The following LIMA1 variants were observed in gnomAD, a reference collection of about 807,000 sequenced individuals.
The protein encoded by LIMA1 is LIM domain and actin binding 1.
Under a neutral mutation model 62.6 loss-of-function variants are expected in LIMA1, and 52 were observed. The ratio of observed to expected loss-of-function variants is 0.83; its 90% CI spans 0.67 to 1.05. LIMA1 has a LOEUF of 1.05. Among genes scored for constraint, LIMA1 ranks in the 50% least tolerant of loss-of-function variants. LIMA1 has a pLI of 0.00. For missense variants in LIMA1, 780 were observed against 902.2 expected, an observed-to-expected ratio of 0.86 and a Z score of 1.74; for synonymous variants, 302 against 317.8, an observed-to-expected ratio of 0.95 and a Z score of 0.53.
intron 7 of LIMA1, among the ~76,000 whole-genome samples, chr12:50,198,935 T>A (rs573491546): frequency 4.3e-4 from 65 of 152,278 alleles, no homozygotes; most frequent in Admixed American, 7.9e-4. Flanking sequence ...CACCACTACA[T>A]CCAAACCCTT....
chr12:50,203,306 G>T, intron 6 of LIMA1, among the ~76,000 whole-genome samples: 1 of 151,484 alleles, frequency 6.6e-6, no homozygotes, highest in Middle Eastern at 3.5e-3. Flanking sequence ...GAGCTCCTGC[G>T]CCTGGCTATA....
At chr12:50,254,629 C>A (rs1360930030) in intron 1 of LIMA1, among the ~76,000 whole-genome samples, 1 of 152,188 alleles carries the variant, frequency 6.6e-6, no homozygotes, top group African/African-American at 2.4e-5. Context: ...GAGTGACTCA[C>A]TGGGAAATCT....
At chr12:50,222,619 T>TA in intron 3 of LIMA1, 134 bp from the exon 4 acceptor site, 2 of 1,539,500 alleles carry the variant, frequency 1.3e-6, no homozygotes, top group South Asian at 1.2e-5. Context: ...TGTGAACAGT[T>TA]ACAGCCTTGC....
At chr12:50,210,428 A>AAAAAAAAG (rs1555206224) in intron 4 of LIMA1, among the ~76,000 whole-genome samples, 2,589 of 150,500 alleles carry the variant, frequency 0.017, 98 homozygotes, top group African/African-American at 0.061. Context: ...CAAAAAAAAA[A>AAAAAAAAG]AAAAAAAGAA....
intron 10 of LIMA1, among the ~76,000 whole-genome samples, chr12:50,179,467 TCG>T (rs1053329515): frequency 4.3e-5 from 6 of 139,562 alleles, no homozygotes; most frequent in African/African-American, 1.4e-4. Flanking sequence ...AGACAGAGTC[TCG>T]CTCTGTCACC....
intron 9 of LIMA1, among the ~76,000 whole-genome samples, chr12:50,184,672 AAAAGCAG>A (rs1940586219): frequency 6.6e-6 from 1 of 152,188 alleles, no homozygotes; most frequent in Admixed American, 6.6e-5. Context: ...AGAGATATTA[AAAAGCAG>A]AATAAATTTT....
At position 50,181,950 on chromosome 12, in the gene LIMA1, A is replaced by T; in HGVS notation, c.1228T>A (p.Phe410Ile). 1.2e-6 allele frequency: 2 copies of T among 1,613,926 alleles called. No individual in the cohort carries two copies. The highest frequency in any genetic ancestry group is 1.7e-6 in the Non-Finnish European group (2 of 1,180,022). ...MERLLANQQVFHISCFRCSYC... is the reference protein window; with the variant it reads ...MERLLANQQVIHISCFRCSYC... ...GAGCAACGGAAGCAGCTGATGTGAA[A>T]CACCTGCTGGTTGGCCAAGAGACGC... The change falls in exon 10 of 11, where the codon TTT (phenylalanine) becomes ATT (isoleucine). Residue 410 changes from phenylalanine (F) to isoleucine (I), a missense_variant. By Grantham distance (21) the Phe-to-Ile change is conservative (BLOSUM62 0). Transcript: ENST00000341247.
intron 10 of LIMA1, among the ~76,000 whole-genome samples, chr12:50,178,966 A>ATATAT (rs56674261): frequency 2.7e-3 from 352 of 128,952 alleles, no homozygotes; most frequent in African/African-American, 8.1e-3. Context: ...ATATATATAT[A>ATATAT]TTTTTTTTTT....
At chr12:50,277,255 C>A (rs1247860142) in intron 1 of LIMA1, among the ~76,000 whole-genome samples, 1 of 151,036 alleles carries the variant, frequency 6.6e-6, no homozygotes, top group Admixed American at 6.6e-5. Context: ...ACAGCAAGAA[C>A]CCCATTCAAT....
chr12:50,199,163 C>G (rs1311753267), intron 7 of LIMA1, among the ~76,000 whole-genome samples: 1 of 152,164 alleles, frequency 6.6e-6, no homozygotes, highest in Non-Finnish European at 1.5e-5. Context: ...AACCCCATCT[C>G]TACTAAAAAT....
chr12:50,265,423 G>A (rs914390736), intron 1 of LIMA1, among the ~76,000 whole-genome samples: 1 of 151,948 alleles, frequency 6.6e-6, no homozygotes, highest in South Asian at 2.1e-4. Flanking sequence ...GGGAGGCTGA[G>A]GCAGGAGAAT....
intron 9 of LIMA1, chr12:50,190,067 G>C (rs887975002): frequency 3.8e-5 from 5 of 133,306 alleles, no homozygotes; most frequent in African/African-American, 1.4e-4. Flanking sequence ...ACACAGGCTG[G>C]AGAGCAGTGG....
At chr12:50,201,036 A>G in intron 6 of LIMA1, 152 bp from the exon 7 acceptor site, 1 of 1,427,484 alleles carries the variant, frequency 7.0e-7, no homozygotes, top group Non-Finnish European at 9.1e-7. Flanking sequence ...AGCAAAACCC[A>G]CTGACTAGTG....
intron 3 of LIMA1, among the ~76,000 whole-genome samples, chr12:50,228,149 C>T (rs1013545669): frequency 1.3e-5 from 2 of 152,148 alleles, no homozygotes; most frequent in Non-Finnish European, 2.9e-5. Flanking sequence ...TGAGCCACCG[C>T]GCCGGGCCTG....
chr12:50,243,343 A>C (rs1362201352), intron 2 of LIMA1, among the ~76,000 whole-genome samples: 2 of 152,210 alleles, frequency 1.3e-5, no homozygotes, highest in Admixed American at 6.5e-5. Context: ...GTTTTTAGCT[A>C]GGCTTGTATA....
At chr12:50,204,112 A>T (rs1003302537) in intron 6 of LIMA1, among the ~76,000 whole-genome samples, 2 of 152,086 alleles carry the variant, frequency 1.3e-5, no homozygotes, top group African/African-American at 2.4e-5. Context: ...CACAAAAAAA[A>T]CCCTCGTTAA....
chr12:50,250,792 A>C (rs1941920284), intron 1 of LIMA1, among the ~76,000 whole-genome samples: 1 of 152,224 alleles, frequency 6.6e-6, no homozygotes, highest in African/African-American at 2.4e-5. Context: ...TCTAAGTGGG[A>C]ATGTTGGCCT....
In LIMA1 at chr12:50,212,254, ACT is replaced by A. The variant is rs1422277667; in HGVS notation, c.631-6188_631-6187del. Among the ~76,000 whole-genome samples, 96 of 152,334 alleles carry A rather than the reference ACT, an allele frequency of 6.3e-4. 1 individual carries two copies. The highest frequency in any genetic ancestry group is 2.3e-3 in the African/African-American group (94 of 41,568). On this transcript the variant is annotated intron_variant, in intron 4 of 10. Coordinates refer to ENST00000341247, the MANE Select transcript of LIMA1 (RefSeq NM_016357.5). The stretch of plus-strand genomic sequence containing the variant: ...AAGCTGATTCTCAACACTTTAATTT[ACT>A]GAGAGTCCCCTGCCTCACTTAGCCA...
chr12:50,222,845 G>A (rs1380405205), intron 3 of LIMA1: 1 of 375,422 alleles, frequency 2.7e-6, no homozygotes, highest in East Asian at 8.4e-5. Flanking sequence ...CAAAATACAA[G>A]TGCTTGAAAC....
Sources: gnomAD v4.1 joint callset for allele counts (sites outside exome capture counted in the v4.1 genomes callset) on GRCh38, gnomAD v4.1.1 for gene constraint, MANE v1.5 for transcripts, NCBI Gene and HGNC (gene_info 2026-07-23, HGNC 2026-07-21) for gene names.